Variants in NBN observed in about 807,000 individuals in gnomAD.
NBN encodes the protein Nijmegen breakage syndrome 1 (nibrin).
In NBN, 88 loss-of-function variants were observed where a neutral mutation model predicts 90.8. The ratio of observed to expected loss-of-function variants is 0.97; its 90% confidence interval spans 0.82 to 1.16. The LOEUF is 1.16. NBN is among the 50% of genes most tolerant of loss of function. The pLI is 0.00. For missense variants in NBN, 894 were observed against 869.6 expected (o/e 1.03, Z -0.35); for synonymous variants, 328 against 295.1 (o/e 1.11, Z -1.14).
chr8:89,952,738 A>G (rs1810498056), intron 11 of NBN, among the ~76,000 whole-genome samples: 1 of 152,182 alleles, frequency 6.6e-6, no homozygotes, highest in Admixed American at 6.5e-5. Flanking sequence ...AGATAAGTCA[A>G]CTTACTGATG....
intron 13 of NBN, among the ~76,000 whole-genome samples, chr8:89,944,015 G>T (rs10099102): frequency 0.068 from 10,366 of 152,124 alleles, 1,058 homozygotes; most frequent in African/African-American, 0.22. Flanking sequence ...AGTAGAAAGA[G>T]AATTTTAAAT....
At chr8:89,960,462 T>C (rs1810939891) in intron 8 of NBN, among the ~76,000 whole-genome samples, 1 of 151,948 alleles carries the variant, frequency 6.6e-6, no homozygotes, top group African/African-American at 2.4e-5. Flanking sequence ...ACCAACCTGG[T>C]CAACATAGTG....
At chr8:89,955,260 G>A (rs1433083922) in intron 10 of NBN, 23 bp downstream of exon 10, 1 of 1,609,070 alleles carries the variant, frequency 6.2e-7, no homozygotes, top group Non-Finnish European at 8.5e-7. Context: ...TCAGAGACAT[G>A]AGAGAAGTTA....
chr8:89,969,458 T>C (rs1811402238), intron 7 of NBN, among the ~76,000 whole-genome samples: 1 of 152,194 alleles, frequency 6.6e-6, no homozygotes, highest in Non-Finnish European at 1.5e-5. Flanking sequence ...GAGTTTTAAG[T>C]TTCTCAAATG....
chr8:89,940,686 GCAGGAA>G (rs1809899591), intron 14 of NBN, among the ~76,000 whole-genome samples: 1 of 147,840 alleles, frequency 6.8e-6, no homozygotes, highest in Non-Finnish European at 1.5e-5. Flanking sequence ...AACCTAATCT[GCAGGAA>G]ATAATAATCC....
At chr8:89,937,667 G>A (rs997856473) in intron 14 of NBN, among the ~76,000 whole-genome samples, 2 of 152,114 alleles carry the variant, frequency 1.3e-5, no homozygotes, top group Admixed American at 6.5e-5. Context: ...GAAACCCTTC[G>A]TGACTTCTCC....
intron 7 of NBN, 81 bp from the exon 8 acceptor site, chr8:89,964,588 CTCTT>C (rs1431254781): frequency 2.9e-6 from 4 of 1,383,072 alleles, no homozygotes; most frequent in Admixed American, 1.9e-5. Flanking sequence ...ATAAAGCAAC[CTCTT>C]TTTTTTCCTC....
At chr8:89,941,668 T>C (rs954086985) in intron 14 of NBN, among the ~76,000 whole-genome samples, 4 of 152,182 alleles carry the variant, frequency 2.6e-5, no homozygotes, top group Admixed American at 1.3e-4. Context: ...GGAATATTGT[T>C]CACTTAACTG....
chr8:89,964,246 C>T (rs1223231923), intron 8 of NBN, among the ~76,000 whole-genome samples, 164 bp downstream of exon 8: 1 of 152,158 alleles, frequency 6.6e-6, no homozygotes, highest in African/African-American at 2.4e-5. Context: ...TGCTACATGG[C>T]AGCCACAAAT....
chr8:89,953,732 G>C, intron 10 of NBN, 41 bp from the exon 11 acceptor site: 3 of 1,486,746 alleles, frequency 2.0e-6, no homozygotes, highest in Non-Finnish European at 2.8e-6. Flanking sequence ...ACAAGAAAAT[G>C]AACACAGCTA....
At chr8:89,940,317 G>A (rs1186306975) in intron 14 of NBN, among the ~76,000 whole-genome samples, 1 of 151,958 alleles carries the variant, frequency 6.6e-6, no homozygotes, top group Non-Finnish European at 1.5e-5. Context: ...TAGAGACAGG[G>A]TCTCAAGATG....
rs777040286 is a variant in NBN at position 89,984,569 on chromosome 8, G to A, written c.-8C>T. The A allele has an allele frequency of 2.5e-6, 4 of 1,612,858 alleles. No individual in the cohort carries two copies. The highest frequency in any genetic ancestry group is 2.2e-5 in the East Asian group (1 of 44,856). On this transcript the variant is annotated 5_prime_UTR_variant, in exon 1 of 16. Transcript: ENST00000265433. ...GGGCAGCAGTTTCCACATCGGTCCGGCTCCTCAGGGCTGGGGCCGACGTGC... is the reference window on the plus strand; with the variant it reads ...GGGCAGCAGTTTCCACATCGGTCCGACTCCTCAGGGCTGGGGCCGACGTGC...
In NBN at chr8:89,953,632, G is replaced by C. The variant is rs572568222; in HGVS notation, c.1457C>G (p.Ser486Cys). ...SSCKSARIETSCSLLEQTQPA... is the reference protein window; with the variant it reads ...SSCKSARIETCCSLLEQTQPA... ...TTGTGTTTGTTCTAAAAGAGAACAA[G>C]ACGTTTCTATTCTTGCTGATTTGCA... Residue 486 changes from serine (S) to cysteine (C), a missense_variant, in exon 11 of 16, where the codon TCT (serine) becomes TGT (cysteine). Physicochemically the swap from Ser to Cys is moderately radical, Grantham distance 112. Coordinates refer to ENST00000265433, the MANE Select transcript of NBN (RefSeq NM_002485.5). 1 of 1,612,882 alleles carries C rather than the reference G, an allele frequency of 6.2e-7. No homozygotes were observed. The highest frequency in any genetic ancestry group is 2.2e-5 in the East Asian group (1 of 44,848).
At chr8:89,940,727 A>C (rs1809901737) in intron 14 of NBN, among the ~76,000 whole-genome samples, 1 of 152,204 alleles carries the variant, frequency 6.6e-6, no homozygotes, top group Admixed American at 6.5e-5. Flanking sequence ...AAATAGAAAC[A>C]TGAAAGCAAT....
chr8:89,974,477 T>C (rs549233999), intron 5 of NBN, among the ~76,000 whole-genome samples: 2 of 152,308 alleles, frequency 1.3e-5, no homozygotes, highest in Admixed American at 1.3e-4. Flanking sequence ...GGGTCTGAGA[T>C]TTGATTATCA....
At chr8:89,973,363 T>C (rs928470286) in intron 5 of NBN, among the ~76,000 whole-genome samples, 1 of 152,224 alleles carries the variant, frequency 6.6e-6, no homozygotes, top group African/African-American at 2.4e-5. Context: ...GAACAATGTA[T>C]TTTGGTTTTG....
intron 10 of NBN, among the ~76,000 whole-genome samples, chr8:89,954,547 A>C (rs950054763): frequency 5.9e-5 from 9 of 152,052 alleles, no homozygotes; most frequent in African/African-American, 4.8e-5. Context: ...AAAAAAAAAA[A>C]CAAAACCACA....
intron 11 of NBN, among the ~76,000 whole-genome samples, chr8:89,951,354 A>G (rs1810441860): frequency 6.6e-6 from 1 of 151,874 alleles, no homozygotes; most frequent in Non-Finnish European, 1.5e-5. Flanking sequence ...TACTAGGACA[A>G]GAAGACTAAA....
chr8:89,982,900 T>C (rs1812144758), intron 1 of NBN, 45 bp from the exon 2 acceptor site: 3 of 1,571,512 alleles, frequency 1.9e-6, no homozygotes, highest in Non-Finnish European at 2.6e-6. Flanking sequence ...GATAGACACA[T>C]ACACATGTAC....
Sources: gnomAD v4.1 joint callset for allele counts (sites outside exome capture counted in the v4.1 genomes callset) on GRCh38, gnomAD v4.1.1 for gene constraint, MANE v1.5 for transcripts, NCBI Gene and HGNC (gene_info 2026-07-23, HGNC 2026-07-21) for gene names.